ANOS1: variants seen among roughly 807,000 people sequenced by gnomAD.
The protein encoded by ANOS1 is anosmin-1.
A neutral mutation model predicts 59.0 loss-of-function variants in ANOS1; 6 were observed. The ratio of observed to expected loss-of-function variants is 0.10; its 90% CI spans 0.06 to 0.20. The LOEUF is 0.20. Among genes scored for constraint, ANOS1 ranks in the 10% least tolerant of loss-of-function variants. The pLI, the probability that ANOS1 is intolerant of heterozygous loss-of-function variation, is 1.00. For synonymous variants in ANOS1, 217 were observed against 223.4 expected, an observed-to-expected ratio of 0.97 and a Z score of 0.25; for missense variants, 433 against 542.3, an observed-to-expected ratio of 0.80 and a Z score of 2.00.
intron 9 of ANOS1, among the ~76,000 whole-genome samples, chrX:8,549,425 T>C (rs1405475407): frequency 6.2e-5 from 7 of 112,518 alleles, no homozygotes; most frequent in Admixed American, 3.8e-4. Context: ...GGTGAATCTC[T>C]TTTCTTCTGC....
chrX:8,608,326 T>C (rs1930979578), intron 3 of ANOS1, among the ~76,000 whole-genome samples: 1 of 111,843 alleles, frequency 8.9e-6, no homozygotes, highest in Admixed American at 9.5e-5. Flanking sequence ...ACATTAATTA[T>C]AGATGGCCTA....
intron 1 of ANOS1, among the ~76,000 whole-genome samples, chrX:8,711,612 T>C (rs1431243121): frequency 1.8e-5 from 2 of 112,790 alleles, no homozygotes; most frequent in African/African-American, 6.4e-5. Context: ...CCAAGTTCAG[T>C]GATATGACCA....
At chrX:8,591,511 T>C (rs1402640237) in intron 4 of ANOS1, among the ~76,000 whole-genome samples, 1 of 111,907 alleles carries the variant, frequency 8.9e-6, no homozygotes, top group East Asian at 2.8e-4. Context: ...GCTGTAAGGT[T>C]TTAATCTTGA....
chrX:8,694,103 A>G (rs1448890309), intron 2 of ANOS1, among the ~76,000 whole-genome samples: 1 of 111,822 alleles, frequency 8.9e-6, no homozygotes, highest in East Asian at 2.8e-4. Flanking sequence ...TAAAAAATTA[A>G]TGCAAAGACC....
chrX:8,581,554 T>C (rs1930424750), intron 6 of ANOS1, among the ~76,000 whole-genome samples: 1 of 111,927 alleles, frequency 8.9e-6, no homozygotes, highest in African/African-American at 3.2e-5. Context: ...GAATTCATAG[T>C]AGATTCCATT....
intron 2 of ANOS1, among the ~76,000 whole-genome samples, chrX:8,698,921 CTTG>C (rs1932722955): frequency 9.0e-6 from 1 of 111,600 alleles, no homozygotes; most frequent in African/African-American, 3.2e-5. Flanking sequence ...CCTTAGATTA[CTTG>C]TTGTTTATAA....
intron 8 of ANOS1, among the ~76,000 whole-genome samples, chrX:8,560,856 G>T (rs1930020765): frequency 8.9e-6 from 1 of 112,439 alleles, no homozygotes; most frequent in Non-Finnish European, 1.9e-5. Context: ...TCCACTCACT[G>T]AATTTAGAGG....
chrX:8,714,569 C>T (rs1434607339), intron 1 of ANOS1, among the ~76,000 whole-genome samples: 2 of 111,249 alleles, frequency 1.8e-5, no homozygotes, highest in Non-Finnish European at 3.8e-5. Context: ...TGCTTCCCTA[C>T]TGAATATTTT....
At chrX:8,625,848 C>T (rs968096542) in intron 2 of ANOS1, among the ~76,000 whole-genome samples, 4 of 110,682 alleles carry the variant, frequency 3.6e-5, no homozygotes, top group Non-Finnish European at 5.7e-5. Context: ...CACGGTGGCT[C>T]ACACCTGTAG....
chrX:8,536,022 A>T (rs1284212117), intron 11 of ANOS1, among the ~76,000 whole-genome samples: 1 of 110,382 alleles, frequency 9.1e-6, no homozygotes, highest in Non-Finnish European at 1.9e-5. Context: ...TTTGTACTAA[A>T]TGCTTCTTCC....
intron 1 of ANOS1, among the ~76,000 whole-genome samples, chrX:8,701,724 G>A (rs1932757369): frequency 8.9e-6 from 1 of 111,893 alleles, no homozygotes; most frequent in African/African-American, 3.2e-5. Flanking sequence ...CTTTTTGACT[G>A]TCAGTTTCAG....
At chrX:8,668,422 T>TAC (rs1299452817) in intron 2 of ANOS1, among the ~76,000 whole-genome samples, 58 of 74,350 alleles carry the variant, frequency 7.8e-4, no homozygotes, top group South Asian at 3.3e-3. Context: ...TATATATATA[T>TAC]ATATATATAC....
chrX:8,688,525 T>A (rs1932556948), intron 2 of ANOS1, among the ~76,000 whole-genome samples: 1 of 112,437 alleles, frequency 8.9e-6, no homozygotes, highest in South Asian at 3.7e-4. Context: ...AATAAGAGAT[T>A]TCGTTTGCAT....
chrX:8,685,522 AAGAG>A (rs1347573123), intron 2 of ANOS1, among the ~76,000 whole-genome samples: 1 of 104,034 alleles, frequency 9.6e-6, no homozygotes, highest in African/African-American at 3.5e-5. Context: ...AAGAAAGAGA[AAGAG>A]AGAGAAAGAG....
intron 13 of ANOS1, among the ~76,000 whole-genome samples, chrX:8,533,895 AT>A (rs1271483232): frequency 9.1e-6 from 1 of 109,880 alleles, no homozygotes; most frequent in Non-Finnish European, 1.9e-5. Context: ...TCCCATATGT[AT>A]TTATGGTTTA....
intron 3 of ANOS1, among the ~76,000 whole-genome samples, chrX:8,618,880 T>C (rs1478066228): frequency 9.2e-6 from 1 of 108,856 alleles, no homozygotes; most frequent in Non-Finnish European, 1.9e-5. Flanking sequence ...GAGACCAGCC[T>C]GGACAAGAGG....
chrX:8,622,773 GCCTGTGCCCCCTGTATTC>G (rs1221119626), intron 3 of ANOS1, among the ~76,000 whole-genome samples: 1 of 112,316 alleles, frequency 8.9e-6, no homozygotes, highest in Non-Finnish European at 1.9e-5. Flanking sequence ...CTGGTACAGG[GCCTGTGCCCCCTGTATTC>G]CATAGGGAAG....
rs1281795313 is a variant in ANOS1 at position 8,614,812 on chromosome X, T to C, written c.318+8796A>G. Among the ~76,000 whole-genome samples the C allele has an allele frequency of 1.3e-4, 10 of 76,239 alleles. No homozygotes were observed. In the Admixed American group the frequency reaches 1.4e-3, roughly 10 times the overall value. 66.2% of individuals were successfully genotyped at this position (76,239 alleles called of 115,157 possible). A position where few individuals can be genotyped will look rare whatever the true frequency, so the allele number is the denominator to read the frequency against. On this transcript the variant is annotated intron_variant, in intron 3 of 13. Transcript: ENST00000262648. ...TGGTCCCATAAATTTTCAAAACTCATCAATTCTCCTACAACTGAGTCTAGA... is the reference window on the plus strand; with the variant it reads ...TGGTCCCATAAATTTTCAAAACTCACCAATTCTCCTACAACTGAGTCTAGA...
chrX:8,697,199 C>T (rs1213788527), intron 2 of ANOS1, among the ~76,000 whole-genome samples: 1 of 111,189 alleles, frequency 9.0e-6, no homozygotes, highest in African/African-American at 3.3e-5. Flanking sequence ...CCCAAGATTG[C>T]ACCACTGAAC....
Sources: allele counts gnomAD v4.1 joint callset (sites outside exome capture counted in the v4.1 genomes callset), GRCh38; gene constraint gnomAD v4.1.1; transcripts MANE v1.5; gene names NCBI Gene and HGNC (gene_info 2026-07-23, HGNC 2026-07-21).